WFDC11: variants seen among roughly 807,000 people sequenced by gnomAD.
The protein encoded by WFDC11 is protein WFDC11.
A neutral mutation model predicts 9.9 loss-of-function variants in WFDC11; 9 were observed. That is an observed-to-expected ratio of 0.91 (90% CI 0.55 to 1.58). The LOEUF (loss-of-function observed/expected upper bound fraction) is 1.58. Among genes scored for constraint, WFDC11 ranks in the 40% most tolerant of loss-of-function variants. The pLI, the probability that WFDC11 is intolerant of heterozygous loss-of-function variation, is 0.00. For missense variants in WFDC11, 106 were observed against 101.7 expected (o/e 1.04, Z -0.18); for synonymous variants, 32 against 33.3 (o/e 0.96, Z 0.13).
intron 3 of WFDC11, among the ~76,000 whole-genome samples, 160 bp downstream of exon 3, chr20:45,650,341 G>A (rs1394663362): frequency 6.6e-6 from 1 of 152,026 alleles, no homozygotes; most frequent in Non-Finnish European, 1.5e-5. Flanking sequence ...TCAGCTTAGG[G>A]ATTTCTTGAA....
chr20:45,669,099 C>T (rs552150078), intron 1 of WFDC11, among the ~76,000 whole-genome samples: 2 of 152,260 alleles, frequency 1.3e-5, no homozygotes, highest in Admixed American at 6.5e-5. Flanking sequence ...GAGGAGCCAG[C>T]AGGCTATTGA....
intron 2 of WFDC11, among the ~76,000 whole-genome samples, 166 bp from the exon 3 acceptor site, chr20:45,650,817 A>G (rs1982790559): frequency 6.6e-6 from 1 of 152,190 alleles, no homozygotes; most frequent in Non-Finnish European, 1.5e-5. Flanking sequence ...GAATCCCTCC[A>G]TCTCACACCT....
intron 2 of WFDC11, among the ~76,000 whole-genome samples, chr20:45,650,988 T>C (rs1982793766): frequency 6.6e-6 from 1 of 152,204 alleles, no homozygotes; most frequent in Non-Finnish European, 1.5e-5. Flanking sequence ...TCATGAGAGT[T>C]TGTTGTACAG....
chr20:45,666,232 G>T (rs190476686), intron 2 of WFDC11, among the ~76,000 whole-genome samples: 18 of 152,362 alleles, frequency 1.2e-4, no homozygotes, highest in Admixed American at 8.5e-4. Flanking sequence ...GCCAAGCCAG[G>T]CCCGGGAGAG....
Position 45,650,422 on chromosome 20 carries a change from C to G in WFDC11, c.100+79G>C. 5.2e-6 allele frequency: 6 copies of G among 1,164,990 alleles called. No individual in the cohort carries two copies. In the South Asian group the frequency reaches 6.4e-5, roughly 12 times the overall value. The allele number at this position is 1,164,990 out of a possible 1,614,324, so 72.2% of individuals were successfully genotyped here. A position where few individuals can be genotyped will look rare whatever the true frequency, so the allele number is the denominator to read the frequency against. ...AAGGTGGGTCCTGAGTCAGATACAG[C>G]GGACAATGAAACCCCCTCCCTTGTT... is the stretch of plus-strand genomic sequence containing the variant. On this transcript the variant is annotated intron_variant, in intron 3 of 4. Transcript: ENST00000324384.
chr20:45,660,219 A>C (rs1983026371), intron 2 of WFDC11, among the ~76,000 whole-genome samples: 1 of 151,988 alleles, frequency 6.6e-6, no homozygotes, highest in Admixed American at 6.6e-5. Flanking sequence ...TTGTGTCACT[A>C]TTGTTGTTAA....
At position 45,648,642 on chromosome 20, in the gene WFDC11, G is replaced by A; in HGVS notation, c.*77C>T. The A allele has an allele frequency of 1.3e-6, 2 of 1,493,434 alleles. No individual in the cohort carries two copies. The highest frequency in any genetic ancestry group is 1.9e-6 in the Non-Finnish European group (2 of 1,078,384). 92.5% of individuals were successfully genotyped at this position (1,493,434 alleles called of 1,614,324 possible). ...AAATAGACTGGTGTTCCTAAAAGTA[G>A]CCACAGGGTACTACTATGAGACCTC... On this transcript the variant is annotated 3_prime_UTR_variant, in exon 5 of 5. Coordinates refer to ENST00000324384, the MANE Select transcript of WFDC11 (RefSeq NM_147197.2).
intron 2 of WFDC11, among the ~76,000 whole-genome samples, chr20:45,664,934 C>T (rs913331725): frequency 2.6e-5 from 4 of 151,940 alleles, no homozygotes; most frequent in South Asian, 2.1e-4. Context: ...GTGATGTTCT[C>T]GTATTTCCTG....
chr20:45,654,118 C>T (rs1342983234), intron 2 of WFDC11, among the ~76,000 whole-genome samples: 2 of 152,158 alleles, frequency 1.3e-5, no homozygotes, highest in Non-Finnish European at 2.9e-5. Context: ...CCCAAATCAA[C>T]AGAATATACA....
chr20:45,656,953 G>A (rs1437856845), intron 2 of WFDC11, among the ~76,000 whole-genome samples: 2 of 152,152 alleles, frequency 1.3e-5, no homozygotes, highest in Non-Finnish European at 2.9e-5. Context: ...GAGAGGATGT[G>A]GAGAAATAGG....
intron 2 of WFDC11, among the ~76,000 whole-genome samples, chr20:45,662,985 A>G (rs902842017): frequency 6.6e-6 from 1 of 152,216 alleles, no homozygotes; most frequent in Non-Finnish European, 1.5e-5. Flanking sequence ...GAATAATTTC[A>G]GAAGGAACGG....
intron 2 of WFDC11, among the ~76,000 whole-genome samples, chr20:45,664,120 C>T (rs1983135303): frequency 6.6e-6 from 1 of 152,162 alleles, no homozygotes. Context: ...GTATTGGGTG[C>T]ATATATATTT....
intron 2 of WFDC11, among the ~76,000 whole-genome samples, chr20:45,662,062 C>A (rs1337173276): frequency 6.6e-6 from 1 of 151,838 alleles, no homozygotes; most frequent in Admixed American, 6.6e-5. Flanking sequence ...ATGGAATGTT[C>A]TTCCATTTGT....
intron 2 of WFDC11, among the ~76,000 whole-genome samples, chr20:45,650,876 G>C (rs1449451193): frequency 6.6e-6 from 1 of 152,096 alleles, no homozygotes; most frequent in African/African-American, 2.4e-5. Context: ...GCCTTATTTT[G>C]ATTAAAACAT....
At chr20:45,662,383 G>A (rs6065856) in intron 2 of WFDC11, among the ~76,000 whole-genome samples, 28,876 of 151,902 alleles carry the variant, frequency 0.19, 2,999 homozygotes, top group East Asian at 0.32. Flanking sequence ...ATTTGACTTC[G>A]TCTTTTCCTA....
chr20:45,657,747 C>T (rs1302694754), intron 2 of WFDC11, among the ~76,000 whole-genome samples: 1 of 152,088 alleles, frequency 6.6e-6, no homozygotes, highest in African/African-American at 2.4e-5. Flanking sequence ...ATTTTCAGTA[C>T]AGTATTAAAT....
intron 2 of WFDC11, among the ~76,000 whole-genome samples, chr20:45,652,349 C>A (rs1372670703): frequency 6.6e-6 from 1 of 152,180 alleles, no homozygotes; most frequent in Non-Finnish European, 1.5e-5. Context: ...CGAGCAAACT[C>A]CAATAGACCT....
chr20:45,655,530 G>A (rs1408607446), intron 2 of WFDC11, among the ~76,000 whole-genome samples: 1 of 152,186 alleles, frequency 6.6e-6, no homozygotes, highest in African/African-American at 2.4e-5. Context: ...CACAAGACAG[G>A]AATGCCCTCT....
chr20:45,663,632 G>T (rs1400373454), intron 2 of WFDC11, among the ~76,000 whole-genome samples: 1 of 152,150 alleles, frequency 6.6e-6, no homozygotes, highest in African/African-American at 2.4e-5. Context: ...CTGTGTCTTT[G>T]TTCTGATTGG....
Sources: allele counts gnomAD v4.1 joint callset (sites outside exome capture counted in the v4.1 genomes callset), GRCh38; gene constraint gnomAD v4.1.1; transcripts MANE v1.5; gene names NCBI Gene and HGNC (gene_info 2026-07-23, HGNC 2026-07-21).